The following ZDHHC18 variants were observed in gnomAD, a reference collection of about 807,000 sequenced individuals.
ZDHHC18 encodes zDHHC palmitoyltransferase 18.
A neutral mutation model predicts 37.5 loss-of-function variants in ZDHHC18; 23 were observed. That is an observed-to-expected ratio of 0.61 (90% CI 0.44 to 0.87). The LOEUF (loss-of-function observed/expected upper bound fraction) is 0.87, where lower values mean the gene tolerates loss of function less well. ZDHHC18 is among the 40% of genes least tolerant of loss of function. The pLI is 0.00. For missense variants in ZDHHC18, 406 were observed against 525.6 expected, an observed-to-expected ratio of 0.77 and a Z score of 2.22; for synonymous variants, 185 against 218.7, an observed-to-expected ratio of 0.85 and a Z score of 1.36.
intron 7 of ZDHHC18, 47 bp downstream of exon 7, chr1:26,852,912 C>T (rs1557646518): frequency 6.3e-7 from 1 of 1,576,216 alleles, no homozygotes; most frequent in Non-Finnish European, 8.7e-7. Flanking sequence ...CATGCCTGGC[C>T]AGTGATCAAA....
chr1:26,842,404 T>G (rs1232740576), intron 2 of ZDHHC18, among the ~76,000 whole-genome samples: 3 of 152,244 alleles, frequency 2.0e-5, no homozygotes, highest in African/African-American at 7.2e-5. Flanking sequence ...TTTCAGTGAT[T>G]AGAGAAACTG....
rs1400729247 is a variant in ZDHHC18 at position 26,852,760 on chromosome 1, G to C, written c.944G>C (p.Gly315Ala). 2.5e-6 allele frequency: 4 copies of C among 1,613,938 alleles called. No individual in the cohort carries two copies. In the South Asian group the frequency reaches 4.4e-5, roughly 18 times the overall value. The change falls in exon 7 of 8, where the codon GGC becomes GCC. Residue 315 changes from glycine (G) to alanine (A), a missense_variant. Transcript: ENST00000374142. ...SNLTTNEDIK[G>A]SWSSKRGGEA... ...CCTCCTTCCTGCTTGCAGATCAAAG[G>C]CTCGTGGTCCAGCAAGAGGGGCGGT...
intron 1 of ZDHHC18, 79 bp from the exon 2 acceptor site, chr1:26,832,368 G>A: frequency 6.4e-7 from 1 of 1,555,882 alleles, no homozygotes; most frequent in Non-Finnish European, 8.8e-7. Flanking sequence ...TGGAATGACA[G>A]CGCCTGCCAC....
chr1:26,843,545 T>G (rs905534355), intron 2 of ZDHHC18, among the ~76,000 whole-genome samples: 2 of 149,024 alleles, frequency 1.3e-5, no homozygotes, highest in South Asian at 4.2e-4. Context: ...TACCAGCACT[T>G]TGGGAGGCTG....
Position 26,854,077 on chromosome 1 carries a change from G to A in ZDHHC18, c.*234G>A. 1.9e-6 allele frequency: 1 copy of A among 530,776 alleles called. No homozygotes were observed. The highest frequency in any genetic ancestry group is 3.2e-5 in the East Asian group (1 of 31,488). 32.9% of individuals were successfully genotyped at this position (530,776 alleles called of 1,614,324 possible). A position where few individuals can be genotyped will look rare whatever the true frequency, so the allele number is the denominator to read the frequency against. On this transcript the variant is annotated 3_prime_UTR_variant, in exon 8 of 8. Coordinates refer to ENST00000374142, the MANE Select transcript of ZDHHC18 (RefSeq NM_032283.3). This position sits in a 1 kb window ranked among gnomAD's most constrained non-coding sequence, Gnocchi z 4.6. Reference sequence around the variant, plus strand: ...GTACCCCAGCTGATCAGTGCCAGGAGAGACCAGAGCCTCTGGAGGCTACCC... The same window carrying A: ...GTACCCCAGCTGATCAGTGCCAGGAAAGACCAGAGCCTCTGGAGGCTACCC...
intron 1 of ZDHHC18, among the ~76,000 whole-genome samples, chr1:26,827,853 A>G (rs918374695): frequency 2.6e-5 from 4 of 151,728 alleles, no homozygotes; most frequent in Non-Finnish European, 5.9e-5. Context: ...TCCTTCCCTC[A>G]GATCCCGCCC....
intron 2 of ZDHHC18, 66 bp downstream of exon 2, chr1:26,832,673 G>A: frequency 1.9e-6 from 3 of 1,571,686 alleles, no homozygotes; most frequent in Non-Finnish European, 8.6e-7. Flanking sequence ...TTGGGAGGAG[G>A]CCTGGTTTTC....
intron 2 of ZDHHC18, among the ~76,000 whole-genome samples, chr1:26,835,538 T>C (rs1488682802): frequency 2.0e-5 from 3 of 151,912 alleles, no homozygotes; most frequent in Non-Finnish European, 4.4e-5. Flanking sequence ...CTGTCTCTAG[T>C]AAAAATACAA....
chr1:26,851,207 C>T lies in ZDHHC18; in HGVS notation c.912C>T (p.Ala304=), dbSNP rs909723837. 7 of 1,614,232 alleles carry T rather than the reference C, an allele frequency of 4.3e-6. No homozygotes were observed. The highest frequency in any genetic ancestry group is 5.9e-6 in the Non-Finnish European group (7 of 1,180,040). Residue 304 remains alanine, a synonymous_variant, in exon 6 of 8, where the codon GCC becomes GCT. Transcript: ENST00000374142. The stretch of plus-strand genomic sequence containing the variant: ...CAGGGTTTCACACGTACCTCGTCGC[C>T]TCCAACCTGACTACTAATGAAGACG... ...GLSGFHTYLV[A]SNLTTNEDIK...
At chr1:26,839,998 G>A (rs566885289) in intron 2 of ZDHHC18, among the ~76,000 whole-genome samples, 8 of 152,362 alleles carry the variant, frequency 5.3e-5, no homozygotes, top group African/African-American at 1.7e-4. Flanking sequence ...GCATGACACA[G>A]CGCTCTGCCT....
chr1:26,835,698 T>C (rs2081608246), intron 2 of ZDHHC18, among the ~76,000 whole-genome samples: 1 of 152,024 alleles, frequency 6.6e-6, no homozygotes, highest in Non-Finnish European at 1.5e-5. Flanking sequence ...AGACTCCGTC[T>C]CAAAAAACAA....
chr1:26,849,591 T>G (rs2081691057), intron 3 of ZDHHC18, among the ~76,000 whole-genome samples: 1 of 152,254 alleles, frequency 6.6e-6, no homozygotes, highest in African/African-American at 2.4e-5. Context: ...AGGCCTGCAA[T>G]GGGCTTGTGA....
intron 2 of ZDHHC18, among the ~76,000 whole-genome samples, chr1:26,848,329 C>A (rs1170724454): frequency 6.6e-6 from 1 of 151,194 alleles, no homozygotes; most frequent in Non-Finnish European, 1.5e-5. Flanking sequence ...AAAAAAAAAA[C>A]CCTCACTAAG....
At chr1:26,828,601 T>C (rs2081570149) in intron 1 of ZDHHC18, among the ~76,000 whole-genome samples, 1 of 152,132 alleles carries the variant, frequency 6.6e-6, no homozygotes, top group Non-Finnish European at 1.5e-5. Flanking sequence ...CCTTTCTAGC[T>C]GCCAGATCAT....
At position 26,850,498 on chromosome 1, in the gene ZDHHC18, A is replaced by G; in HGVS notation, c.784+60A>G. On this transcript the variant is annotated intron_variant, in intron 4 of 7. Transcript: ENST00000374142. The surrounding 1 kb of genome is among the most constrained non-coding windows in gnomAD (Gnocchi z 6.1). ...GGGTCAGCCAGCAAGCTCAAGGGTCAGCAAGCTTCAGCAGTCACTGTCCCT... is the reference window on the plus strand; with the variant it reads ...GGGTCAGCCAGCAAGCTCAAGGGTCGGCAAGCTTCAGCAGTCACTGTCCCT... The G allele has an allele frequency of 6.2e-7, 1 of 1,614,250 alleles. No homozygotes were observed. The highest frequency in any genetic ancestry group is 8.5e-7 in the Non-Finnish European group (1 of 1,180,032).
chr1:26,831,370 G>T (rs1353442530), intron 1 of ZDHHC18, among the ~76,000 whole-genome samples: 1 of 152,232 alleles, frequency 6.6e-6, no homozygotes, highest in East Asian at 1.9e-4. Flanking sequence ...CCTCAGTAGG[G>T]CCCAGATCAT....
rs2081703149 is a variant in ZDHHC18 at position 26,851,339 on chromosome 1, G to A, written c.936+108G>A. On this transcript the variant is annotated intron_variant, in intron 6 of 7. Coordinates refer to ENST00000374142, the MANE Select transcript of ZDHHC18 (RefSeq NM_032283.3). ...CACAGTCCTGACTCACGGACTGCTG[G>A]GATAATGCCTTTTAAGCAGCCAGAT... 7.4e-6 allele frequency: 8 copies of A among 1,075,166 alleles called. No homozygotes were observed. The Middle Eastern group carries it at 8.2e-4, about 111-fold the overall frequency. The allele number at this position is 1,075,166 out of a possible 1,614,324, so 66.6% of individuals were successfully genotyped here. A position where few individuals can be genotyped will look rare whatever the true frequency, so the allele number is the denominator to read the frequency against.
In ZDHHC18 at chr1:26,827,004, G is replaced by A; in HGVS notation, c.200G>A (p.Arg67Gln). 1 of 1,231,652 alleles carries A rather than the reference G, an allele frequency of 8.1e-7. No homozygotes were observed. Among genetic ancestry groups the A allele is most frequent in the Non-Finnish European group, 1.0e-6 (1 of 987,662 alleles). The allele number at this position is 1,231,652 out of a possible 1,614,324, so 76.3% of individuals were successfully genotyped here. The change falls in exon 1 of 8, where the codon CGG (arginine) becomes CAG (glutamine). Residue 67 changes from arginine to glutamine, a missense_variant. Coordinates refer to ENST00000374142, the MANE Select transcript of ZDHHC18 (RefSeq NM_032283.3). ...AGCGGGAGCCTCGGCCGCCGCCCAC[G>A]GCGCAAGTGGGAGGTGTTCCCGGGT... ...SGSGSLGRRP[R>Q]RKWEVFPGRN...
At chr1:26,840,003 C>T (rs1384982263) in intron 2 of ZDHHC18, among the ~76,000 whole-genome samples, 2 of 152,264 alleles carry the variant, frequency 1.3e-5, no homozygotes, top group Non-Finnish European at 2.9e-5. Context: ...ACACAGCGCT[C>T]TGCCTCCCCT....
Sources: gnomAD v4.1 joint callset for allele counts (sites outside exome capture counted in the v4.1 genomes callset) on GRCh38, gnomAD v4.1.1 for gene constraint, Gnocchi (gnomAD v3.1) non-coding constraint, MANE v1.5 for transcripts, NCBI Gene and HGNC (gene_info 2026-07-23, HGNC 2026-07-21) for gene names.